The following RNF4 variants were observed in gnomAD, a reference collection of about 807,000 sequenced individuals.
RNF4 encodes the protein E3 ubiquitin-protein ligase RNF4.
RNF4 carries 7 observed loss-of-function variants against 24.3 expected under a neutral mutation model. That is an observed-to-expected ratio of 0.29 (90% CI 0.16 to 0.54). The LOEUF is 0.54. Among genes scored for constraint, RNF4 ranks in the 20% least tolerant of loss-of-function variants. RNF4 has a pLI of 0.95. For missense variants in RNF4, 209 were observed against 248.5 expected, an observed-to-expected ratio of 0.84 and a Z score of 1.07; for synonymous variants, 83 against 84.3, an observed-to-expected ratio of 0.98 and a Z score of 0.09.
At chr4:2,494,666 C>T (rs1344547965) in intron 2 of RNF4, 1 of 152,236 alleles carries the variant, frequency 6.6e-6, no homozygotes, top group Non-Finnish European at 1.5e-5. Context: ...AGGCATGCGC[C>T]ACCACACCTG....
At chr4:2,483,419 C>T (rs1165829257) in intron 1 of RNF4, among the ~76,000 whole-genome samples, 1 of 152,154 alleles carries the variant, frequency 6.6e-6, no homozygotes, top group East Asian at 1.9e-4. Flanking sequence ...AACCACATAC[C>T]CTCATTTGTA....
intron 1 of RNF4, among the ~76,000 whole-genome samples, chr4:2,476,315 C>G (rs1263456052): frequency 2.6e-5 from 4 of 152,242 alleles, no homozygotes; most frequent in Admixed American, 2.6e-4. Context: ...GCCTCCTACT[C>G]TTGCAAGTTG....
intron 4 of RNF4, among the ~76,000 whole-genome samples, chr4:2,508,963 C>G (rs113675632): frequency 1.3e-4 from 16 of 127,544 alleles, no homozygotes; most frequent in African/African-American, 4.6e-4. Flanking sequence ...ACTATTGTCG[C>G]CTAGGCTGGA....
Position 2,500,874 on chromosome 4 carries a change from T to A in RNF4, c.204+136T>A, listed in dbSNP as rs1735889487. ...AAAGAAGTTCATGCATCTTGTGGAA[T>A]TGAGCTTTTAGAAAGAAAATAAACA... is the stretch of plus-strand genomic sequence containing the variant. On this transcript the variant is annotated intron_variant, in intron 4 of 7. Transcript: ENST00000314289. 6.8e-6 allele frequency: 5 copies of A among 734,652 alleles called. No individual in the cohort carries two copies. The Middle Eastern group carries it at 9.6e-4, about 141-fold the overall frequency. 45.5% of individuals were successfully genotyped at this position (734,652 alleles called of 1,614,324 possible). A position where few individuals can be genotyped will look rare whatever the true frequency, so the allele number is the denominator to read the frequency against.
Position 2,484,027 on chromosome 4 carries a change from A to G in RNF4, c.-157-6310A>G, listed in dbSNP as rs866357696. Among the ~76,000 whole-genome samples, 82 of 109,956 alleles carry G rather than the reference A, an allele frequency of 7.5e-4. 2 individuals carry two copies. In the Middle Eastern group the frequency reaches 0.04, roughly 53 times the overall value. 72.1% of individuals were successfully genotyped at this position (109,956 alleles called of 152,430 possible). On this transcript the variant is annotated intron_variant, in intron 1 of 7. Coordinates refer to ENST00000314289, the MANE Select transcript of RNF4 (RefSeq NM_002938.5). ...TTTTTAGTAGGGGGTGGGTTTCACCATATTGTTCAGGCTGGTCTCGAACTC... is the reference window on the plus strand; with the variant it reads ...TTTTTAGTAGGGGGTGGGTTTCACCGTATTGTTCAGGCTGGTCTCGAACTC...
chr4:2,513,018 C>A, intron 6 of RNF4, 65 bp from the exon 7 acceptor site: 1 of 1,482,928 alleles, frequency 6.7e-7, no homozygotes, highest in Non-Finnish European at 9.4e-7. Context: ...GGGCCACTCA[C>A]GTGACAGGGT....
At chr4:2,474,690 A>G (rs1735014552) in intron 1 of RNF4, among the ~76,000 whole-genome samples, 1 of 152,198 alleles carries the variant, frequency 6.6e-6, no homozygotes. Flanking sequence ...ATCTTTCATG[A>G]AAGGAAGAGA....
At chr4:2,509,835 G>A (rs1030640762) in intron 4 of RNF4, among the ~76,000 whole-genome samples, 4 of 152,148 alleles carry the variant, frequency 2.6e-5, no homozygotes, top group African/African-American at 7.2e-5. Flanking sequence ...TAATTAGTGG[G>A]TCATCTTGGC....
chr4:2,513,578 C>T, intron 7 of RNF4, 92 bp from the exon 8 acceptor site: 1 of 1,475,886 alleles, frequency 6.8e-7, no homozygotes, highest in South Asian at 1.2e-5. Context: ...TTTAATTAGT[C>T]ATCTTAGGCA....
At chr4:2,503,027 GGGT>G (rs957265792) in intron 4 of RNF4, among the ~76,000 whole-genome samples, 3 of 151,802 alleles carry the variant, frequency 2.0e-5, no homozygotes, top group Non-Finnish European at 2.9e-5. Flanking sequence ...AATTTGGGTC[GGGT>G]GGTGGTGGTG....
intron 1 of RNF4, among the ~76,000 whole-genome samples, chr4:2,477,218 C>A (rs1328928910): frequency 1.3e-5 from 2 of 152,178 alleles, no homozygotes; most frequent in African/African-American, 4.8e-5. Context: ...GGGAGGGACC[C>A]AGTGGGAGGC....
chr4:2,491,579 A>T (rs1258471100), intron 2 of RNF4, among the ~76,000 whole-genome samples: 1 of 152,050 alleles, frequency 6.6e-6, no homozygotes, highest in Non-Finnish European at 1.5e-5. Flanking sequence ...AGTAGCTTGG[A>T]TTACAGGCAC....
intron 1 of RNF4, among the ~76,000 whole-genome samples, chr4:2,486,704 GC>G (rs1735419598): frequency 6.6e-6 from 1 of 152,212 alleles, no homozygotes; most frequent in South Asian, 2.1e-4. Flanking sequence ...ATCTTCAGCA[GC>G]CGTATTTGGA....
intron 5 of RNF4, 29 bp downstream of exon 5, chr4:2,511,994 G>C: frequency 6.2e-7 from 1 of 1,601,092 alleles, no homozygotes; most frequent in Non-Finnish European, 8.5e-7. Flanking sequence ...TTTTTCACTG[G>C]GTTTGGAGAG....
At chr4:2,496,947 C>A in intron 2 of RNF4, 60 bp from the exon 3 acceptor site, 1 of 1,295,940 alleles carries the variant, frequency 7.7e-7, no homozygotes, top group Non-Finnish European at 1.1e-6. Context: ...CCATTTAGTT[C>A]TTCCTGAAAC....
chr4:2,501,494 TGTCCTGCCTGCCA>T (rs912894898), intron 4 of RNF4, among the ~76,000 whole-genome samples: 2 of 152,228 alleles, frequency 1.3e-5, no homozygotes, highest in African/African-American at 4.8e-5. Context: ...TGTGTATACG[TGTCCTGCCTGCCA>T]GGAGGGAGGC....
intron 4 of RNF4, among the ~76,000 whole-genome samples, chr4:2,507,722 C>G (rs1290923752): frequency 6.6e-6 from 1 of 152,132 alleles, no homozygotes; most frequent in Non-Finnish European, 1.5e-5. Context: ...AAAGGGGCTT[C>G]GAGTGACCAA....
chr4:2,491,110 G>C (rs1236891389), intron 2 of RNF4, among the ~76,000 whole-genome samples: 1 of 152,124 alleles, frequency 6.6e-6, no homozygotes, highest in Non-Finnish European at 1.5e-5. Context: ...CTGTTTTCCC[G>C]TCTGTTTTGT....
At chr4:2,492,001 A>C (rs1373905093) in intron 2 of RNF4, among the ~76,000 whole-genome samples, 9 of 151,844 alleles carry the variant, frequency 5.9e-5, no homozygotes, top group Non-Finnish European at 1.2e-4. Flanking sequence ...GATCAAGACC[A>C]TCCTGGCTAA....
Sources: gnomAD v4.1 joint callset for allele counts (sites outside exome capture counted in the v4.1 genomes callset) on GRCh38, gnomAD v4.1.1 for gene constraint, MANE v1.5 for transcripts, NCBI Gene and HGNC (gene_info 2026-07-23, HGNC 2026-07-21) for gene names.